Variants in HS3ST4 observed in about 807,000 individuals in gnomAD.
The protein encoded by HS3ST4 is heparan sulfate glucosamine 3-O-sulfotransferase 4.
A neutral mutation model predicts 29.2 loss-of-function variants in HS3ST4; 17 were observed. The observed-to-expected ratio is 0.58, with a 90% CI of 0.40 to 0.87. HS3ST4 has a LOEUF of 0.87. HS3ST4 is among the 40% of genes least tolerant of loss of function. The pLI, the probability that HS3ST4 is intolerant of heterozygous loss-of-function variation, is 0.00. For missense variants in HS3ST4, 627 were observed against 634.5 expected, an observed-to-expected ratio of 0.99 and a Z score of 0.13; for synonymous variants, 314 against 285.7, an observed-to-expected ratio of 1.10 and a Z score of -1.00.
chr16:25,800,729 A>T (rs1288856511), intron 1 of HS3ST4, among the ~76,000 whole-genome samples: 6 of 152,078 alleles, frequency 3.9e-5, no homozygotes, highest in Admixed American at 3.9e-4. Context: ...TCATGTGAAG[A>T]GGTGGGGCCT....
chr16:25,946,831 A>G (rs765933331), intron 1 of HS3ST4, among the ~76,000 whole-genome samples: 1 of 152,094 alleles, frequency 6.6e-6, no homozygotes, highest in African/African-American at 2.4e-5. Flanking sequence ...GGGAAAAAAA[A>G]CACTTCTAGC....
intron 1 of HS3ST4, among the ~76,000 whole-genome samples, chr16:25,847,422 G>A (rs1967477365): frequency 6.6e-6 from 1 of 152,132 alleles, no homozygotes; most frequent in Admixed American, 6.5e-5. Context: ...GGTCAAGAAT[G>A]ATAACACATG....
intron 1 of HS3ST4, among the ~76,000 whole-genome samples, chr16:25,882,615 A>C (rs1309492479): frequency 6.6e-6 from 1 of 152,152 alleles, no homozygotes; most frequent in Non-Finnish European, 1.5e-5. Flanking sequence ...TACTGAAACT[A>C]TCATCACTGA....
rs180974236 is a variant in HS3ST4 at position 25,916,487 on chromosome 16, C to T, written c.735-219125C>T. Reference sequence around the variant, plus strand: ...AAGCAATTCTCCTGCCTCAGCCTACCGAGTAGCTGGGATTACAGGCATGTG... The same window carrying T: ...AAGCAATTCTCCTGCCTCAGCCTACTGAGTAGCTGGGATTACAGGCATGTG... On this transcript the variant is annotated intron_variant, in intron 1 of 1. Coordinates refer to ENST00000331351, the MANE Select transcript of HS3ST4 (RefSeq NM_006040.3). Among the ~76,000 whole-genome samples, 88 of 151,980 alleles carry T rather than the reference C, an allele frequency of 5.8e-4. No homozygotes were observed. In the Middle Eastern group the frequency reaches 0.01, roughly 18 times the overall value.
rs573379145 is a variant in HS3ST4, at chr16:25,769,385, G to T, written c.734+76234G>T. Among the ~76,000 whole-genome samples, 107 of 152,256 alleles carry T rather than the reference G, an allele frequency of 7.0e-4. 1 individual carries two copies. The highest frequency in any genetic ancestry group is 1.2e-3 in the Non-Finnish European group (81 of 68,022). On this transcript the variant is annotated intron_variant, in intron 1 of 1. Coordinates refer to ENST00000331351, the MANE Select transcript of HS3ST4 (RefSeq NM_006040.3). ...CTGCAGTCTTCAGCACTGACTCTCAGGTTTGGTAAAGTAGTCCGTAGCTAA... is the reference window on the plus strand; with the variant it reads ...CTGCAGTCTTCAGCACTGACTCTCATGTTTGGTAAAGTAGTCCGTAGCTAA...
chr16:25,755,328 C>G (rs141888483), intron 1 of HS3ST4, among the ~76,000 whole-genome samples: 1 of 152,092 alleles, frequency 6.6e-6, no homozygotes, highest in Non-Finnish European at 1.5e-5. Flanking sequence ...ACTAAAGGAG[C>G]CTGAGAGAGG....
At position 25,818,299 on chromosome 16, in the gene HS3ST4, C is replaced by T. The variant is rs555198030; in HGVS notation, c.734+125148C>T. 2.2e-4 allele frequency among the ~76,000 whole-genome samples: 33 copies of T among 152,264 alleles called. No individual in the cohort carries two copies. In the South Asian group the frequency reaches 6.6e-3, roughly 31 times the overall value. On this transcript the variant is annotated intron_variant, in intron 1 of 1. Coordinates refer to ENST00000331351, the MANE Select transcript of HS3ST4 (RefSeq NM_006040.3). ...CTGGATTAGTGCCCTAATAAAGGGGCTGAAGGGACCAGAGTTGTTCCCTTC... is the reference window on the plus strand; with the variant it reads ...CTGGATTAGTGCCCTAATAAAGGGGTTGAAGGGACCAGAGTTGTTCCCTTC...
chr16:25,900,036 T>C (rs1968107105), intron 1 of HS3ST4, among the ~76,000 whole-genome samples: 1 of 152,228 alleles, frequency 6.6e-6, no homozygotes, highest in South Asian at 2.1e-4. Flanking sequence ...CTTTGAGCCA[T>C]TGTTAGCTAG....
intron 1 of HS3ST4, among the ~76,000 whole-genome samples, chr16:25,769,110 G>A (rs1275490749): frequency 6.6e-6 from 1 of 152,148 alleles, no homozygotes. Flanking sequence ...AGTGTGGATT[G>A]GCAGCAAGAA....
At chr16:26,110,687 C>T (rs1899116606) in intron 1 of HS3ST4, among the ~76,000 whole-genome samples, 2 of 152,176 alleles carry the variant, frequency 1.3e-5, no homozygotes, top group African/African-American at 4.8e-5. Flanking sequence ...GCATCAGTTA[C>T]AGTGGGCCTT....
intron 1 of HS3ST4, among the ~76,000 whole-genome samples, chr16:26,129,249 G>C (rs553763384): frequency 1.1e-3 from 161 of 152,340 alleles, no homozygotes; most frequent in Non-Finnish European, 1.7e-3. Context: ...GGATAGCTCA[G>C]CTTTGCAGAA....
At chr16:25,755,199 T>C (rs569313953) in intron 1 of HS3ST4, among the ~76,000 whole-genome samples, 1 of 152,254 alleles carries the variant, frequency 6.6e-6, no homozygotes, top group Non-Finnish European at 1.5e-5. Flanking sequence ...CTTGCTAACA[T>C]GGAAATCACA....
intron 1 of HS3ST4, among the ~76,000 whole-genome samples, chr16:26,014,607 C>A (rs891208369): frequency 1.3e-5 from 2 of 152,170 alleles, no homozygotes; most frequent in African/African-American, 4.8e-5. Flanking sequence ...TCATTTTCTG[C>A]TCCTACTTTA....
rs563964638 is a variant in HS3ST4 at position 25,948,033 on chromosome 16, C to T, written c.735-187579C>T. On this transcript the variant is annotated intron_variant, in intron 1 of 1. Coordinates refer to ENST00000331351, the MANE Select transcript of HS3ST4 (RefSeq NM_006040.3). ...ATATTAGGTATTATTAATATATGTT[C>T]GTATCTTCTTATTTAAACCCAGACA... 6.9e-4 allele frequency among the ~76,000 whole-genome samples: 105 copies of T among 152,222 alleles called. 2 individuals are homozygous for T. The highest frequency in any genetic ancestry group is 7.8e-4 in the Non-Finnish European group (53 of 68,026).
At chr16:26,031,731 G>C (rs1355722376) in intron 1 of HS3ST4, among the ~76,000 whole-genome samples, 1 of 149,196 alleles carries the variant, frequency 6.7e-6, no homozygotes, top group Non-Finnish European at 1.5e-5. Context: ...AAGCCAAACT[G>C]TATCCAGCTT....
intron 1 of HS3ST4, among the ~76,000 whole-genome samples, chr16:25,928,436 A>T (rs1005457361): frequency 6.6e-6 from 1 of 152,178 alleles, no homozygotes; most frequent in Non-Finnish European, 1.5e-5. Flanking sequence ...AGGAAAAACA[A>T]AGCCAACAAC....
chr16:26,099,452 G>T (rs2062991935), intron 1 of HS3ST4, among the ~76,000 whole-genome samples: 2 of 152,108 alleles, frequency 1.3e-5, no homozygotes, highest in Admixed American at 6.6e-5. Flanking sequence ...CACCATACCT[G>T]GCCAGAGCTG....
intron 1 of HS3ST4, among the ~76,000 whole-genome samples, chr16:26,064,694 C>T (rs192639709): frequency 1.5e-4 from 22 of 150,714 alleles, no homozygotes; most frequent in Admixed American, 5.3e-4. Flanking sequence ...CTTGGCTCAC[C>T]GCAACCTCTG....
At chr16:25,923,330 C>T (rs13334582) in intron 1 of HS3ST4, among the ~76,000 whole-genome samples, 25,878 of 152,090 alleles carry the variant, frequency 0.17, 3,595 homozygotes, top group East Asian at 0.65. Context: ...TAAATGCACG[C>T]CCTCAGCCAA....
Sources: allele counts gnomAD v4.1 joint callset (sites outside exome capture counted in the v4.1 genomes callset), GRCh38; gene constraint gnomAD v4.1.1; transcripts MANE v1.5; gene names NCBI Gene and HGNC (gene_info 2026-07-23, HGNC 2026-07-21).